The following MAPK9 variants were observed in gnomAD, a reference collection of about 807,000 sequenced individuals.
MAPK9 encodes the protein mitogen-activated protein kinase 9.
A neutral mutation model predicts 57.1 loss-of-function variants in MAPK9; 30 were observed. That is an observed-to-expected ratio of 0.53 (90% CI 0.39 to 0.71). The LOEUF (loss-of-function observed/expected upper bound fraction) is 0.71. MAPK9 is among the 30% of genes least tolerant of loss of function. The pLI is 0.00. For synonymous variants in MAPK9, 155 were observed against 177.0 expected, an observed-to-expected ratio of 0.88 and a Z score of 0.99; for missense variants, 362 against 521.0, an observed-to-expected ratio of 0.69 and a Z score of 2.97.
chr5:180,272,656 G>A (rs1761443290), intron 2 of MAPK9, among the ~76,000 whole-genome samples: 1 of 152,096 alleles, frequency 6.6e-6, no homozygotes, highest in Non-Finnish European at 1.5e-5. Flanking sequence ...TCAATATTAT[G>A]GGACTCATCC....
chr5:180,241,066 T>G lies in MAPK9; in HGVS notation c.961A>C (p.Ile321Leu). Residue 321 changes from isoleucine to leucine, a missense_variant, in exon 9 of 12, where the codon ATC becomes CTC. Coordinates refer to ENST00000452135, the MANE Select transcript of MAPK9 (RefSeq NM_002752.5). ...SVDEALRHPY[I>L]TVWYDPAEAE... ...TCGGCGGGGTCATACCAAACAGTGA[T>G]GTATGGGTGACGCAGAGCTTCGTCT... 1 of 1,614,012 alleles carries G rather than the reference T, an allele frequency of 6.2e-7. No homozygotes were observed. The highest frequency in any genetic ancestry group is 8.5e-7 in the Non-Finnish European group (1 of 1,179,956).
At chr5:180,286,365 C>T (rs1023895843) in intron 1 of MAPK9, among the ~76,000 whole-genome samples, 27 of 150,774 alleles carry the variant, frequency 1.8e-4, no homozygotes, top group Middle Eastern at 3.2e-3. Context: ...AGGATGGTCT[C>T]GATCTCCTGA....
At chr5:180,264,954 T>A (rs1581242449) in intron 3 of MAPK9, 115 bp from the exon 4 acceptor site, 1 of 412,234 alleles carries the variant, frequency 2.4e-6, no homozygotes, top group Non-Finnish European at 3.4e-6. Context: ...ATTCAGTACT[T>A]CTTATTATTA....
At chr5:180,287,858 G>A (rs1224359645) in intron 1 of MAPK9, among the ~76,000 whole-genome samples, 2 of 152,154 alleles carry the variant, frequency 1.3e-5, no homozygotes, top group Admixed American at 6.6e-5. Context: ...GGCAGAAAAT[G>A]TGTCTGATTT....
At chr5:180,244,482 T>A (rs35474616) in intron 7 of MAPK9, among the ~76,000 whole-genome samples, 7,254 of 152,026 alleles carry the variant, frequency 0.048, 203 homozygotes, top group African/African-American at 0.071. Context: ...AAAACTTCCA[T>A]AAAGAGCTGT....
In MAPK9 at chr5:180,233,488, C is replaced by T. The variant is rs1447006198; in HGVS notation, c.*2896G>A. The T allele has an allele frequency of 6.6e-6, 1 of 152,160 alleles. No individual in the cohort carries two copies. Among genetic ancestry groups the T allele is most frequent in the Non-Finnish European group, 1.5e-5 (1 of 68,042 alleles). The allele number at this position is 152,160 out of a possible 1,614,324, so 9.4% of individuals were successfully genotyped here. A position where few individuals can be genotyped will look rare whatever the true frequency, so the allele number is the denominator to read the frequency against. On this transcript the variant is annotated 3_prime_UTR_variant, in exon 12 of 12. Transcript: ENST00000452135. The stretch of plus-strand genomic sequence containing the variant: ...TTGCTAATATTGATCAAAAGCATGA[C>T]ACTTTATCATCTATCTGTGTTCATG...
At chr5:180,242,943 C>T (rs1428439445) in intron 7 of MAPK9, 188 bp from the exon 8 acceptor site, 8 of 480,330 alleles carry the variant, frequency 1.7e-5, no homozygotes, top group Non-Finnish European at 2.9e-5. Context: ...CTCTCACACT[C>T]TGCATCTTCA....
At chr5:180,248,705 C>T (rs1758372656) in intron 6 of MAPK9, among the ~76,000 whole-genome samples, 1 of 152,168 alleles carries the variant, frequency 6.6e-6, no homozygotes, top group Non-Finnish European at 1.5e-5. Context: ...GCTGCACACT[C>T]AGGATTTGCA....
chr5:180,265,638 A>G (rs936713583), intron 3 of MAPK9, among the ~76,000 whole-genome samples: 1 of 152,170 alleles, frequency 6.6e-6, no homozygotes, highest in Non-Finnish European at 1.5e-5. Flanking sequence ...GCTTTCCTTT[A>G]TAAGTTACAC....
chr5:180,242,330 A>G (rs1053080160), intron 8 of MAPK9, among the ~76,000 whole-genome samples: 4 of 152,332 alleles, frequency 2.6e-5, no homozygotes, highest in East Asian at 1.9e-4. Flanking sequence ...TAACTGTAAC[A>G]TAAGATTCTT....
chr5:180,234,280 T>C lies in MAPK9; in HGVS notation c.*2104A>G, dbSNP rs1757025441. On this transcript the variant is annotated 3_prime_UTR_variant, in exon 12 of 12. Coordinates refer to ENST00000452135, the MANE Select transcript of MAPK9 (RefSeq NM_002752.5). ...CCATAGAGATCAGTTTGAAACCATTTGCGTGGCACCAAGACCCTGGCAAAT... is the reference window on the plus strand; with the variant it reads ...CCATAGAGATCAGTTTGAAACCATTCGCGTGGCACCAAGACCCTGGCAAAT... 1 of 152,228 alleles carries C rather than the reference T, an allele frequency of 6.6e-6. No individual in the cohort carries two copies. The highest frequency in any genetic ancestry group is 2.4e-5 in the African/African-American group (1 of 41,452). 9.4% of individuals were successfully genotyped at this position (152,228 alleles called of 1,614,324 possible).
chr5:180,269,964 C>T (rs1561830078), intron 2 of MAPK9, among the ~76,000 whole-genome samples: 1 of 152,100 alleles, frequency 6.6e-6, no homozygotes, highest in Non-Finnish European at 1.5e-5. Context: ...TAAGCAACTG[C>T]TATATAAAGT....
chr5:180,261,454 T>G (rs1759951493), intron 5 of MAPK9, among the ~76,000 whole-genome samples: 1 of 152,248 alleles, frequency 6.6e-6, no homozygotes, highest in African/African-American at 2.4e-5. Context: ...TTGCGCAGTA[T>G]CTGACTGAGA....
chr5:180,247,462 C>A lies in MAPK9; in HGVS notation c.665G>T (p.Cys222Phe). 2 of 1,614,192 alleles carry A rather than the reference C, an allele frequency of 1.2e-6. No homozygotes were observed. Among genetic ancestry groups the A allele is most frequent in the Non-Finnish European group, 1.7e-6 (2 of 1,180,032 alleles). Residue 222 changes from cysteine to phenylalanine, a missense_variant, in exon 7 of 12, where the codon TGT (cysteine) becomes TTT (phenylalanine). By Grantham distance (205) the Cys-to-Phe change is radical (BLOSUM62 -2). Coordinates refer to ENST00000452135, the MANE Select transcript of MAPK9 (RefSeq NM_002752.5). This position sits in a 1 kb window ranked among gnomAD's most constrained non-coding sequence, Gnocchi z 4.5. ...ACGGTCAGTGCCTTGGAATATCACA[C>A]AACCTTTCACCAGCTCTCCCATGAT... ...GCIMGELVKG[C>F]VIFQGTDHID...
rs912997580 is a variant in MAPK9, at chr5:180,247,829, A to G, written c.617-319T>C. On this transcript the variant is annotated intron_variant, in intron 6 of 11. Coordinates refer to ENST00000452135, the MANE Select transcript of MAPK9 (RefSeq NM_002752.5). This position sits in a 1 kb window ranked among gnomAD's most constrained non-coding sequence, Gnocchi z 4.5. ...ACGCCCACCCCAGCCTCCATGGCCA[A>G]GTACCGGGTCCCCTGTGAAGGATAC... 1 of 1,613,336 alleles carries G rather than the reference A, an allele frequency of 6.2e-7. No individual in the cohort carries two copies. The highest frequency in any genetic ancestry group is 8.5e-7 in the Non-Finnish European group (1 of 1,179,344).
At position 180,260,247 on chromosome 5, in the gene MAPK9, G is replaced by A. The variant is rs367959969; in HGVS notation, c.450+1437C>T. ...CGTGGGGATGCCTTTGTTTCTCTCC[G>A]GCACATTGAAAGACATGATGTATGC... On this transcript the variant is annotated intron_variant, in intron 5 of 11. Transcript: ENST00000452135. 3.1e-4 allele frequency among the ~76,000 whole-genome samples: 47 copies of A among 152,118 alleles called. 1 individual carries two copies. Among genetic ancestry groups the A allele is most frequent in the African/African-American group, 1.0e-3 (43 of 41,508 alleles).
intron 2 of MAPK9, among the ~76,000 whole-genome samples, chr5:180,271,058 A>G (rs1173444872): frequency 6.6e-6 from 1 of 152,186 alleles, no homozygotes; most frequent in African/African-American, 2.4e-5. Flanking sequence ...TGTTCTCATC[A>G]GAAACTTTTA....
At chr5:180,273,455 G>C (rs1761540017) in intron 2 of MAPK9, among the ~76,000 whole-genome samples, 1 of 151,668 alleles carries the variant, frequency 6.6e-6, no homozygotes, top group South Asian at 2.1e-4. Flanking sequence ...TTGAACTCCT[G>C]GCCTCAAGCG....
In MAPK9 at chr5:180,247,715, C is replaced by A. The variant is rs756445815; in HGVS notation, c.617-205G>T. On this transcript the variant is annotated intron_variant, in intron 6 of 11. Transcript: ENST00000452135. This position sits in a 1 kb window ranked among gnomAD's most constrained non-coding sequence, Gnocchi z 4.5. ...ATCTGGGGTTTTAGTGCCAAAGAGT[C>A]CAATACTTTATAGCTTAAAACAAAC... is the stretch of plus-strand genomic sequence containing the variant. The A allele has an allele frequency of 5.9e-6, 6 of 1,022,148 alleles. No individual in the cohort carries two copies. In the South Asian group the frequency reaches 8.1e-5, roughly 14 times the overall value. 63.3% of individuals were successfully genotyped at this position (1,022,148 alleles called of 1,614,324 possible).
Sources: allele counts gnomAD v4.1 joint callset (sites outside exome capture counted in the v4.1 genomes callset), GRCh38; gene constraint gnomAD v4.1.1; non-coding constraint Gnocchi (gnomAD v3.1); transcripts MANE v1.5; gene names NCBI Gene and HGNC (gene_info 2026-07-23, HGNC 2026-07-21).